Variants in ERBB4 observed in about 807,000 individuals in gnomAD.
ERBB4 encodes receptor tyrosine-protein kinase erbB-4.
A neutral mutation model predicts 158.0 loss-of-function variants in ERBB4; 42 were observed. The observed-to-expected ratio is 0.27, with a 90% CI of 0.21 to 0.34. The LOEUF is 0.34. Among genes scored for constraint, ERBB4 ranks in the 10% least tolerant of loss-of-function variants. ERBB4 has a pLI of 1.00. For missense variants in ERBB4, 1,333 were observed against 1,624.1 expected (o/e 0.82, Z 3.08); for synonymous variants, 583 against 558.7 (o/e 1.04, Z -0.61).
chr2:212,437,905 A>G (rs2092172667), intron 1 of ERBB4, among the ~76,000 whole-genome samples: 1 of 152,012 alleles, frequency 6.6e-6, no homozygotes, highest in Non-Finnish European at 1.5e-5. Flanking sequence ...TAAGAAAGCC[A>G]CCCTGATATT....
intron 2 of ERBB4, among the ~76,000 whole-genome samples, chr2:212,056,873 A>C (rs1168119070): frequency 6.6e-6 from 1 of 152,200 alleles, no homozygotes; most frequent in Non-Finnish European, 1.5e-5. Flanking sequence ...GCATCAACTA[A>C]TGAGCAAAAT....
intron 1 of ERBB4, among the ~76,000 whole-genome samples, chr2:212,523,605 G>A (rs1015568580): frequency 4.1e-4 from 63 of 151,946 alleles, no homozygotes; most frequent in African/African-American, 1.5e-3. Context: ...ACTAATCTAT[G>A]AAGAGCAGGT....
chr2:212,083,636 TC>T lies in ERBB4; in HGVS notation c.234+41115del, dbSNP rs1360945833. Among the ~76,000 whole-genome samples the T allele has an allele frequency of 4.0e-5, 6 of 149,362 alleles. No individual in the cohort carries two copies. In the South Asian group the frequency reaches 1.1e-3, roughly 26 times the overall value. On this transcript the variant is annotated intron_variant, in intron 2 of 27. Coordinates refer to ENST00000342788, the MANE Select transcript of ERBB4 (RefSeq NM_005235.3). ...GATAGTTTGGATTTATTACCACCCC[TC>T]CCCCCCAAAAAAAACAATGCCAGAC...
intron 1 of ERBB4, among the ~76,000 whole-genome samples, chr2:212,398,705 A>G (rs1452519475): frequency 6.6e-6 from 1 of 152,134 alleles, no homozygotes; most frequent in Non-Finnish European, 1.5e-5. Flanking sequence ...AAAGAAGGAT[A>G]ATTTTACATG....
At chr2:212,070,034 T>G (rs2222377) in intron 2 of ERBB4, among the ~76,000 whole-genome samples, 2 of 151,880 alleles carry the variant, frequency 1.3e-5, no homozygotes, top group African/African-American at 4.8e-5. Context: ...GTGGGAGGAG[T>G]TGCTGAGCCC....
At chr2:211,972,201 G>A (rs1371674348) in intron 2 of ERBB4, among the ~76,000 whole-genome samples, 3 of 151,750 alleles carry the variant, frequency 2.0e-5, no homozygotes, top group African/African-American at 7.3e-5. Flanking sequence ...GACTAGGTAG[G>A]TGGAAGAGAT....
rs751588478 is a variant in ERBB4 at position 211,380,122 on chromosome 2, T to C, written c.*3493A>G. ...TCACTTGATTTTAGTTTGTGTGTTT[T>C]AATAGAAATTTGAGTTTTGCGTTGT... On this transcript the variant is annotated 3_prime_UTR_variant, in exon 28 of 28. Coordinates refer to ENST00000342788, the MANE Select transcript of ERBB4 (RefSeq NM_005235.3). 2 of 232,110 alleles carry C rather than the reference T, an allele frequency of 8.6e-6. No individual in the cohort carries two copies. Among genetic ancestry groups the C allele is most frequent in the Non-Finnish European group, 1.7e-5 (2 of 117,434 alleles). The allele number at this position is 232,110 out of a possible 1,614,324, so 14.4% of individuals were successfully genotyped here. A position where few individuals can be genotyped will look rare whatever the true frequency, so the allele number is the denominator to read the frequency against.
intron 1 of ERBB4, among the ~76,000 whole-genome samples, chr2:212,528,018 T>A (rs1362862537): frequency 6.6e-6 from 1 of 151,770 alleles, no homozygotes; most frequent in Non-Finnish European, 1.5e-5. Flanking sequence ...CATACGCCCC[T>A]GATTCGAAGT....
At chr2:211,929,856 A>G (rs2080126268) in intron 3 of ERBB4, among the ~76,000 whole-genome samples, 1 of 152,178 alleles carries the variant, frequency 6.6e-6, no homozygotes. Context: ...ACATGTACAT[A>G]TAAATATATG....
intron 2 of ERBB4, among the ~76,000 whole-genome samples, chr2:211,999,475 T>C (rs1390500655): frequency 6.6e-6 from 1 of 151,870 alleles, no homozygotes; most frequent in Non-Finnish European, 1.5e-5. Flanking sequence ...ACATTCTGAA[T>C]AGTTCAGACT....
intron 1 of ERBB4, among the ~76,000 whole-genome samples, chr2:212,165,233 TTC>T (rs1329249492): frequency 1.3e-4 from 19 of 152,000 alleles, no homozygotes; most frequent in Non-Finnish European, 1.5e-5. Context: ...GTGGGATTCT[TTC>T]TTTACTTAGA....
intron 2 of ERBB4, among the ~76,000 whole-genome samples, chr2:212,022,669 G>A (rs113728014): frequency 0.083 from 12,690 of 152,034 alleles, 567 homozygotes; most frequent in South Asian, 0.12. Context: ...CATCCTGCAC[G>A]TGTACCCCAG....
At chr2:212,035,190 T>C (rs188193524) in intron 2 of ERBB4, among the ~76,000 whole-genome samples, 1 of 152,340 alleles carries the variant, frequency 6.6e-6, no homozygotes, top group East Asian at 1.9e-4. Flanking sequence ...TATGAAAGGC[T>C]TTCCAGTTCC....
chr2:212,527,882 T>C (rs1575086206), intron 1 of ERBB4, among the ~76,000 whole-genome samples: 1 of 112,458 alleles, frequency 8.9e-6, no homozygotes, highest in South Asian at 3.1e-4. Context: ...GTCCCCAGAG[T>C]GTGATGTTCC....
intron 1 of ERBB4, among the ~76,000 whole-genome samples, chr2:212,421,622 A>G (rs2091794850): frequency 6.6e-6 from 1 of 152,162 alleles, no homozygotes; most frequent in African/African-American, 2.4e-5. Context: ...TTCAACTGAA[A>G]ATTAGTGTTT....
chr2:211,428,349 G>GAACTT, intron 22 of ERBB4, 59 bp downstream of exon 22: 1 of 921,212 alleles, frequency 1.1e-6, no homozygotes, highest in Non-Finnish European at 1.8e-6. Context: ...TATTTCACAT[G>GAACTT]AACTTAACAT....
intron 1 of ERBB4, among the ~76,000 whole-genome samples, chr2:212,499,375 T>A (rs1211468817): frequency 6.6e-6 from 1 of 152,146 alleles, no homozygotes; most frequent in Non-Finnish European, 1.5e-5. Context: ...ACCAACTTAA[T>A]GAAGACCTTG....
intron 1 of ERBB4, among the ~76,000 whole-genome samples, chr2:212,237,734 C>G (rs2083930756): frequency 6.6e-6 from 1 of 152,212 alleles, no homozygotes; most frequent in Non-Finnish European, 1.5e-5. Context: ...ATCTATAAGT[C>G]CCTGACTGTG....
chr2:211,447,509 T>C (rs961925042), intron 20 of ERBB4, among the ~76,000 whole-genome samples: 2 of 152,170 alleles, frequency 1.3e-5, no homozygotes, highest in Non-Finnish European at 1.5e-5. Flanking sequence ...AGAAATGCCA[T>C]ATTTTCTGGC....
Sources: gnomAD v4.1 joint callset for allele counts (sites outside exome capture counted in the v4.1 genomes callset) on GRCh38, gnomAD v4.1.1 for gene constraint, MANE v1.5 for transcripts, NCBI Gene and HGNC (gene_info 2026-07-23, HGNC 2026-07-21) for gene names.